Variants in PSMB5 observed in about 807,000 individuals in gnomAD.
The protein encoded by PSMB5 is proteasome subunit beta type-5.
Under a neutral mutation model 22.8 loss-of-function variants are expected in PSMB5, and 2 were observed. The ratio of observed to expected loss-of-function variants is 0.09; its 90% CI spans 0.04 to 0.28. The LOEUF is 0.28. PSMB5 is among the 10% of genes least tolerant of loss of function. The pLI, the probability that PSMB5 is intolerant of heterozygous loss-of-function variation, is 1.00. For missense variants in PSMB5, 269 were observed against 343.8 expected (o/e 0.78, Z 1.72); for synonymous variants, 133 against 135.3 (o/e 0.98, Z 0.12).
chr14:23,035,012 A>G (rs2046981755), upstream of PSMB5: 1 of 1,433,998 alleles, frequency 7.0e-7, no homozygotes, highest in African/African-American at 1.4e-5. Context: ...GCTGGCAAGC[A>G]CGCCTCCAAA....
At chr14:23,034,398 T>C (rs1166767773) in intron 1 of PSMB5, 1 of 370,776 alleles carries the variant, frequency 2.7e-6, no homozygotes, top group African/African-American at 2.1e-5. Flanking sequence ...CTTTCCCAGC[T>C]AGAAGATCCT....
intron 2 of PSMB5, among the ~76,000 whole-genome samples, chr14:23,032,158 G>A (rs1270104584): frequency 6.6e-6 from 1 of 151,936 alleles, no homozygotes; most frequent in Non-Finnish European, 1.5e-5. Flanking sequence ...GAAAAAAAGA[G>A]AAGAGGCCGG....
chr14:23,034,461 C>T, intron 1 of PSMB5: 1 of 567,998 alleles, frequency 1.8e-6, no homozygotes, highest in Non-Finnish European at 3.1e-6. Flanking sequence ...GCCTCACCTT[C>T]CTCCCCCGAC....
Position 23,033,537 on chromosome 14 carries a change from G to C in PSMB5, c.336C>G (p.Ser112Arg), listed in dbSNP as rs199885311. Residue 112 changes from serine to arginine, a missense_variant, in exon 2 of 3, where the codon AGC becomes AGG. Coordinates refer to ENST00000361611, the MANE Select transcript of PSMB5 (RefSeq NM_002797.5). ...GCCGAGCCAACAGCCGTTCCCAGAA[G>C]CTGCAATCCGCTGCGCCCCCAGCCA... Reference protein sequence around the residue: ...GTMAGGAADCSFWERLLARQC... With the variant: ...GTMAGGAADCRFWERLLARQC... The C allele has an allele frequency of 8.6e-5, 138 of 1,614,032 alleles. No individual in the cohort carries two copies. Among genetic ancestry groups the C allele is most frequent in the Non-Finnish European group, 1.2e-4 (137 of 1,180,040 alleles).
chr14:23,034,845 C>T lies in PSMB5; in HGVS notation c.37G>A (p.Val13Met). 1 of 1,614,238 alleles carries T rather than the reference C, an allele frequency of 6.2e-7. No individual in the cohort carries two copies. Among genetic ancestry groups the T allele is most frequent in the Admixed American group, 1.7e-5 (1 of 60,030 alleles). ...AGTCCGAAAAACCCGCGCTGGTTCA[C>T]CGGTAGCGGTCTCTCCAACACGCTG... ...LASVLERPLPVNQRGFFGLGG... is the reference protein window; with the variant it reads ...LASVLERPLPMNQRGFFGLGG... The change falls in exon 1 of 3, where the codon GTG (valine) becomes ATG (methionine). Residue 13 changes from valine (V) to methionine (M), a missense_variant. Coordinates refer to ENST00000361611, the MANE Select transcript of PSMB5 (RefSeq NM_002797.5).
Position 23,034,870 on chromosome 14 carries a change from G to A in PSMB5, c.12C>T (p.Ala4=), listed in dbSNP as rs914888296. MAL[A]SVLERPLPVN... is the part of the protein sequence containing the mutation. ...CCGGTAGCGGTCTCTCCAACACGCT[G>A]GCAAGCGCCATGTCTAGTGTGGGCA... is the stretch of plus-strand genomic sequence containing the variant. Residue 4 remains alanine (A), a synonymous_variant, in exon 1 of 3, where the codon GCC becomes GCT. Transcript: ENST00000361611. The A allele has an allele frequency of 1.2e-6, 2 of 1,613,990 alleles. No homozygotes were observed. The highest frequency in any genetic ancestry group is 1.3e-5 in the African/African-American group (1 of 74,926).
intron 2 of PSMB5, among the ~76,000 whole-genome samples, chr14:23,029,826 G>C (rs1366886458): frequency 6.6e-6 from 1 of 151,338 alleles, no homozygotes; most frequent in Non-Finnish European, 1.5e-5. Flanking sequence ...CTGTTGCCCA[G>C]TCTGGAGTGC....
upstream of PSMB5, chr14:23,035,216 G>A: frequency 3.5e-6 from 1 of 287,468 alleles, no homozygotes; most frequent in Non-Finnish European, 6.7e-6. Context: ...AGTGAGGTCG[G>A]CCATCTTTGA....
At chr14:23,027,651 G>GAAA in intron 2 of PSMB5, 21 of 741,958 alleles carry the variant, frequency 2.8e-5, no homozygotes, top group Non-Finnish European at 3.6e-5. Context: ...CTGTCTTCAG[G>GAAA]AAAAAAAAAA....
At chr14:23,034,604 C>G (rs1393511360) in intron 1 of PSMB5, 80 bp downstream of exon 1, 1 of 1,536,378 alleles carries the variant, frequency 6.5e-7, no homozygotes, top group African/African-American at 1.4e-5. Context: ...CCAAGGCCAC[C>G]GCAAACTCCG....
intron 2 of PSMB5, among the ~76,000 whole-genome samples, chr14:23,032,749 C>T (rs1336326665): frequency 6.6e-6 from 1 of 151,420 alleles, no homozygotes; most frequent in Non-Finnish European, 1.5e-5. Flanking sequence ...CAGGCGCCTG[C>T]CACCACGCCT....
intron 2 of PSMB5, among the ~76,000 whole-genome samples, chr14:23,030,532 T>G (rs1393473776): frequency 1.3e-5 from 2 of 151,976 alleles, no homozygotes; most frequent in Non-Finnish European, 2.9e-5. Context: ...AGCCTTGGGT[T>G]AACTAGTCAT....
Position 23,026,047 on chromosome 14 carries a change from A to G in PSMB5, c.*42T>C. 2 of 1,603,112 alleles carry G rather than the reference A, an allele frequency of 1.2e-6. No homozygotes were observed. The highest frequency in any genetic ancestry group is 1.3e-5 in the African/African-American group (1 of 74,882). ...GGTCACTGTGTCCGTATTACCAATG[A>G]CAGTCACCCCAAGAAACACAAGCAG... On this transcript the variant is annotated 3_prime_UTR_variant, in exon 3 of 3. Transcript: ENST00000361611.
chr14:23,033,896 C>T (rs569520489), intron 1 of PSMB5, among the ~76,000 whole-genome samples: 2 of 152,298 alleles, frequency 1.3e-5, no homozygotes, highest in South Asian at 2.1e-4. Context: ...ATAGGATGGG[C>T]GTGGTGGCTC....
At chr14:23,027,440 A>ATAT (rs1566714030) in intron 2 of PSMB5, among the ~76,000 whole-genome samples, 5 of 144,680 alleles carry the variant, frequency 3.5e-5, no homozygotes, top group East Asian at 2.0e-4. Context: ...TATATATATA[A>ATAT]AAGAGAAACC....
At chr14:23,034,924 A>G (rs750694360), upstream of PSMB5, 2 of 1,588,014 alleles carry the variant, frequency 1.3e-6, no homozygotes, top group East Asian at 4.6e-5. Flanking sequence ...AACGCCTAGC[A>G]AAGATAGGCC....
At chr14:23,030,494 A>T (rs1376335609) in intron 2 of PSMB5, among the ~76,000 whole-genome samples, 5 of 151,820 alleles carry the variant, frequency 3.3e-5, no homozygotes, top group African/African-American at 9.6e-5. Flanking sequence ...GTCTCAATAA[A>T]AAAAAAAAAA....
chr14:23,030,491 T>TAA (rs748552372), intron 2 of PSMB5, among the ~76,000 whole-genome samples: 2 of 132,366 alleles, frequency 1.5e-5, no homozygotes, highest in Non-Finnish European at 3.3e-5. Flanking sequence ...TCCGTCTCAA[T>TAA]AAAAAAAAAA....
chr14:23,026,943 G>A (rs1468439728), intron 2 of PSMB5, among the ~76,000 whole-genome samples: 10 of 151,308 alleles, frequency 6.6e-5, no homozygotes, highest in African/African-American at 2.4e-4. Flanking sequence ...TTTGCCAGGC[G>A]TGGTGGCACA....
Sources: gnomAD v4.1 joint callset for allele counts (sites outside exome capture counted in the v4.1 genomes callset) on GRCh38, gnomAD v4.1.1 for gene constraint, MANE v1.5 for transcripts, NCBI Gene and HGNC (gene_info 2026-07-23, HGNC 2026-07-21) for gene names.